ALX4: variants seen among roughly 807,000 people sequenced by gnomAD.
ALX4 encodes ALX homeobox 4.
A neutral mutation model predicts 40.6 loss-of-function variants in ALX4; 22 were observed. That is an observed-to-expected ratio of 0.54 (90% CI 0.39 to 0.77). The LOEUF (loss-of-function observed/expected upper bound fraction) is 0.77, where lower values mean the gene tolerates loss of function less well. ALX4 is among the 30% of genes least tolerant of loss of function. The pLI is 0.00. For synonymous variants in ALX4, 266 were observed against 240.5 expected, an observed-to-expected ratio of 1.11 and a Z score of -0.98; for missense variants, 556 against 564.8, an observed-to-expected ratio of 0.98 and a Z score of 0.16.
intron 3 of ALX4, among the ~76,000 whole-genome samples, 191 bp downstream of exon 3, chr11:44,267,303 C>CA (rs991794200): frequency 2.0e-5 from 3 of 152,278 alleles, no homozygotes; most frequent in African/African-American, 7.2e-5. Context: ...AAGCCTGGTT[C>CA]AATGATTAGT....
At chr11:44,307,772 G>A (rs867221089) in intron 1 of ALX4, among the ~76,000 whole-genome samples, 3 of 152,152 alleles carry the variant, frequency 2.0e-5, no homozygotes, top group African/African-American at 4.8e-5. Context: ...GGCTTAGCAC[G>A]GAAAGAGTGC....
chr11:44,309,581 C>G lies in ALX4; in HGVS notation c.466+16G>C. ...CCCGTGGTCCCCAGCACCAGGTGAC[C>G]CGCACGTGCACTCACCGTAGCAGGG... On this transcript the variant is annotated intron_variant, in intron 1 of 3. Coordinates refer to ENST00000652299, the MANE Select transcript of ALX4 (RefSeq NM_021926.4). 2 of 1,568,198 alleles carry G rather than the reference C, an allele frequency of 1.3e-6. No individual in the cohort carries two copies. The highest frequency in any genetic ancestry group is 1.8e-5 in the Admixed American group (1 of 56,372).
At chr11:44,281,451 C>T (rs1233538113) in intron 1 of ALX4, among the ~76,000 whole-genome samples, 2 of 151,966 alleles carry the variant, frequency 1.3e-5, no homozygotes, top group Non-Finnish European at 2.9e-5. Flanking sequence ...GCTAAGGGGT[C>T]TCAGTCATTT....
In ALX4 at chr11:44,264,515, G is replaced by A; in HGVS notation, c.*339C>T. The stretch of plus-strand genomic sequence containing the variant: ...GCATGGAAATCTAGCATTGACTCAT[G>A]GTCAACTAGGCAGAGCAGAGGAGTG... On this transcript the variant is annotated 3_prime_UTR_variant, in exon 4 of 4. Transcript: ENST00000652299. The A allele has an allele frequency of 2.8e-6, 1 of 361,702 alleles. No homozygotes were observed. Among genetic ancestry groups the A allele is most frequent in the Non-Finnish European group, 5.1e-6 (1 of 195,234 alleles). 22.4% of individuals were successfully genotyped at this position (361,702 alleles called of 1,614,324 possible).
At chr11:44,277,335 G>A (rs1190916690) in intron 1 of ALX4, among the ~76,000 whole-genome samples, 1 of 152,214 alleles carries the variant, frequency 6.6e-6, no homozygotes, top group Admixed American at 6.5e-5. Context: ...CTAGGGAAGG[G>A]CAGCCAACTG....
At position 44,262,363 on chromosome 11, in the gene ALX4, G is replaced by A. The variant is rs967295086; in HGVS notation, c.*2491C>T. 3.9e-5 allele frequency: 6 copies of A among 152,278 alleles called. No individual in the cohort carries two copies. Among genetic ancestry groups the A allele is most frequent in the African/African-American group, 1.4e-4 (6 of 41,448 alleles). 9.4% of individuals were successfully genotyped at this position (152,278 alleles called of 1,614,324 possible). ...CCTGGGGTACGTGGCTGCCTTTGAC[G>A]AGATGAACAGGAATGTTTCACATTG... On this transcript the variant is annotated 3_prime_UTR_variant, in exon 4 of 4. Coordinates refer to ENST00000652299, the MANE Select transcript of ALX4 (RefSeq NM_021926.4).
chr11:44,291,698 G>T (rs1034363230), intron 1 of ALX4, among the ~76,000 whole-genome samples: 1 of 152,140 alleles, frequency 6.6e-6, no homozygotes, highest in Non-Finnish European at 1.5e-5. Context: ...GAGCCATTGC[G>T]CCTGGCCAAA....
chr11:44,271,299 G>A (rs1478075629), intron 2 of ALX4, among the ~76,000 whole-genome samples: 2 of 152,224 alleles, frequency 1.3e-5, no homozygotes, highest in African/African-American at 4.8e-5. Flanking sequence ...TAAAGTCAAA[G>A]AAGCACTAGG....
intron 1 of ALX4, among the ~76,000 whole-genome samples, 176 bp downstream of exon 1, chr11:44,309,421 G>A (rs1278938649): frequency 6.6e-6 from 1 of 152,228 alleles, no homozygotes; most frequent in Middle Eastern, 3.2e-3. Context: ...CGGACAAGAA[G>A]GAGACAGAAC....
chr11:44,286,948 G>A (rs983489944), intron 1 of ALX4, among the ~76,000 whole-genome samples: 7 of 152,238 alleles, frequency 4.6e-5, no homozygotes, highest in Non-Finnish European at 8.8e-5. Flanking sequence ...TGGCCCTCCA[G>A]AGAGGGTGGC....
At chr11:44,277,088 C>T (rs1237163074) in intron 1 of ALX4, among the ~76,000 whole-genome samples, 1 of 152,194 alleles carries the variant, frequency 6.6e-6, no homozygotes, top group Non-Finnish European at 1.5e-5. Flanking sequence ...GCCTCAGTTT[C>T]CCCCTCTATA....
At chr11:44,293,551 G>C (rs1464342066) in intron 1 of ALX4, among the ~76,000 whole-genome samples, 2 of 152,196 alleles carry the variant, frequency 1.3e-5, no homozygotes, top group Non-Finnish European at 2.9e-5. Flanking sequence ...CCCCTGCAAC[G>C]GGATAGATCT....
chr11:44,291,108 AGCTCCCAGGG>A (rs1956366432), intron 1 of ALX4, among the ~76,000 whole-genome samples: 1 of 152,192 alleles, frequency 6.6e-6, no homozygotes, highest in Non-Finnish European at 1.5e-5. Context: ...TGTCAAAAGT[AGCTCCCAGGG>A]TCCCTTTCAA....
intron 1 of ALX4, among the ~76,000 whole-genome samples, chr11:44,299,714 A>C (rs748810117): frequency 6.6e-6 from 1 of 152,020 alleles, no homozygotes; most frequent in Non-Finnish European, 1.5e-5. Flanking sequence ...TCTGGGATGG[A>C]ATTAGGGTTA....
At chr11:44,295,483 G>A (rs943011228) in intron 1 of ALX4, among the ~76,000 whole-genome samples, 2 of 152,252 alleles carry the variant, frequency 1.3e-5, no homozygotes, top group African/African-American at 4.8e-5. Context: ...ACCTAGGCCG[G>A]GGAAGTTCCT....
intron 2 of ALX4, 87 bp from the exon 3 acceptor site, chr11:44,267,709 GC>G: frequency 6.3e-6 from 10 of 1,587,758 alleles, no homozygotes; most frequent in Non-Finnish European, 8.6e-6. Flanking sequence ...GTTCCCTTGA[GC>G]CCCCCATCAG....
At position 44,306,036 on chromosome 11, in the gene ALX4, C is replaced by T. The variant is rs187894264; in HGVS notation, c.466+3561G>A. Among the ~76,000 whole-genome samples the T allele has an allele frequency of 5.7e-4, 87 of 152,360 alleles. 1 individual carries two copies. In the East Asian group the frequency reaches 0.016, roughly 28 times the overall value. Reference sequence around the variant, plus strand: ...TCGCTGAGAAACGTCGGATCTCCAACCCGACATGTCTCCTGTGGCCCAGGC... The same window carrying T: ...TCGCTGAGAAACGTCGGATCTCCAATCCGACATGTCTCCTGTGGCCCAGGC... On this transcript the variant is annotated intron_variant, in intron 1 of 3. Coordinates refer to ENST00000652299, the MANE Select transcript of ALX4 (RefSeq NM_021926.4).
At chr11:44,272,723 C>T (rs574577968) in intron 2 of ALX4, among the ~76,000 whole-genome samples, 7 of 152,038 alleles carry the variant, frequency 4.6e-5, no homozygotes, top group Non-Finnish European at 7.4e-5. Context: ...GCATGAGAAT[C>T]GCTTGAACCC....
intron 2 of ALX4, among the ~76,000 whole-genome samples, chr11:44,272,707 G>A (rs995106071): frequency 2.0e-5 from 3 of 151,846 alleles, no homozygotes; most frequent in African/African-American, 7.3e-5. Context: ...TACTTGGGAG[G>A]CTGAGGCATG....
Sources: gnomAD v4.1 joint callset for allele counts (sites outside exome capture counted in the v4.1 genomes callset) on GRCh38, gnomAD v4.1.1 for gene constraint, MANE v1.5 for transcripts, NCBI Gene and HGNC (gene_info 2026-07-23, HGNC 2026-07-21) for gene names.